The following ERC2 variants were observed in gnomAD, a reference collection of about 807,000 sequenced individuals.
ERC2 encodes ELKS/RAB6-interacting/CAST family member 2.
Under a neutral mutation model 114.8 loss-of-function variants are expected in ERC2, and 42 were observed. The ratio of observed to expected loss-of-function variants is 0.37; its 90% CI spans 0.29 to 0.47. The LOEUF is 0.47. ERC2 is among the 20% of genes least tolerant of loss of function. ERC2 has a pLI of 0.99. For missense variants in ERC2, 939 were observed against 1,150.7 expected, an observed-to-expected ratio of 0.82 and a Z score of 2.66; for synonymous variants, 454 against 425.5, an observed-to-expected ratio of 1.07 and a Z score of -0.82.
intron 12 of ERC2, among the ~76,000 whole-genome samples, chr3:55,965,014 T>A (rs2068649178): frequency 6.6e-6 from 1 of 152,224 alleles, no homozygotes; most frequent in African/African-American, 2.4e-5. Flanking sequence ...TGAAGTTTCA[T>A]ATAATATAAC....
At chr3:55,653,035 C>G (rs1338139576) in intron 17 of ERC2, among the ~76,000 whole-genome samples, 1 of 152,068 alleles carries the variant, frequency 6.6e-6, no homozygotes, top group Non-Finnish European at 1.5e-5. Flanking sequence ...TTTCAGAAGT[C>G]TCACACTCAT....
At chr3:55,980,093 GAA>G (rs893869147) in intron 12 of ERC2, among the ~76,000 whole-genome samples, 3 of 135,226 alleles carry the variant, frequency 2.2e-5, no homozygotes, top group Non-Finnish European at 4.6e-5. Context: ...ATGTTTGCAC[GAA>G]GTGTAAATTA....
chr3:56,343,015 C>G (rs1387275001), intron 2 of ERC2, among the ~76,000 whole-genome samples: 1 of 152,124 alleles, frequency 6.6e-6, no homozygotes, highest in Admixed American at 6.6e-5. Context: ...ACATCCCTTC[C>G]TTTTGATCTT....
At chr3:56,267,220 C>T (rs964593893) in intron 3 of ERC2, among the ~76,000 whole-genome samples, 1 of 152,132 alleles carries the variant, frequency 6.6e-6, no homozygotes, top group African/African-American at 2.4e-5. Flanking sequence ...TTTCGAATTT[C>T]AGATTTTTGA....
intron 17 of ERC2, among the ~76,000 whole-genome samples, chr3:55,541,630 C>T (rs1397908391): frequency 6.6e-6 from 1 of 152,154 alleles, no homozygotes; most frequent in Non-Finnish European, 1.5e-5. Context: ...TCAAGAGCAG[C>T]TTTCACAATC....
chr3:56,169,821 AAAC>A (rs201556490), intron 4 of ERC2, among the ~76,000 whole-genome samples: 4,452 of 140,352 alleles, frequency 0.032, 88 homozygotes, highest in Non-Finnish European at 0.044. Flanking sequence ...AAAAAAAAAA[AAAC>A]AAATGGCTTT....
chr3:55,875,724 A>ACACACACACACACACTCTCT (rs1491351730), intron 14 of ERC2, among the ~76,000 whole-genome samples: 200 of 141,090 alleles, frequency 1.4e-3, no homozygotes, highest in African/African-American at 5.3e-3. Flanking sequence ...ACACACACAC[A>ACACACACACACACACTCTCT]CTCTCTCTCT....
At chr3:55,801,711 G>C (rs544208836) in intron 14 of ERC2, among the ~76,000 whole-genome samples, 11 of 152,314 alleles carry the variant, frequency 7.2e-5, no homozygotes, top group African/African-American at 2.2e-4. Context: ...CTATAATTTG[G>C]CAGGGCCCAG....
At chr3:55,542,016 T>C (rs1379901966) in intron 17 of ERC2, among the ~76,000 whole-genome samples, 1 of 152,222 alleles carries the variant, frequency 6.6e-6, no homozygotes, top group Non-Finnish European at 1.5e-5. Context: ...ATCTTTAATC[T>C]TCATAGTAAT....
At chr3:56,390,583 A>T (rs2060094132) in intron 2 of ERC2, among the ~76,000 whole-genome samples, 1 of 152,178 alleles carries the variant, frequency 6.6e-6, no homozygotes, top group African/African-American at 2.4e-5. Context: ...TCAGAACCAA[A>T]ATGGAGAATG....
chr3:56,288,829 T>G lies in ERC2; in HGVS notation c.1074+7190A>C, dbSNP rs571547360. On this transcript the variant is annotated intron_variant, in intron 3 of 17. Coordinates refer to ENST00000288221, the MANE Select transcript of ERC2 (RefSeq NM_015576.3). The stretch of plus-strand genomic sequence containing the variant: ...CAGTCAATGAAAATTCCACATAATC[T>G]CAAAAGAGATACCATATTCAAAATC... 3.9e-5 allele frequency among the ~76,000 whole-genome samples: 6 copies of G among 152,054 alleles called. 1 individual carries two copies. In the South Asian group the frequency reaches 1.2e-3, roughly 32 times the overall value.
At chr3:55,690,995 C>T (rs1245672118) in intron 16 of ERC2, among the ~76,000 whole-genome samples, 1 of 152,216 alleles carries the variant, frequency 6.6e-6, no homozygotes, top group Non-Finnish European at 1.5e-5. Context: ...CAGTTAAATA[C>T]CTCCCACAAC....
At chr3:56,287,017 T>C (rs1393514723) in intron 3 of ERC2, among the ~76,000 whole-genome samples, 1 of 152,212 alleles carries the variant, frequency 6.6e-6, no homozygotes, top group East Asian at 1.9e-4. Flanking sequence ...CAGTTCACAT[T>C]GCCTTTTTAG....
intron 6 of ERC2, among the ~76,000 whole-genome samples, chr3:56,115,552 A>G (rs1456004544): frequency 6.6e-6 from 1 of 152,188 alleles, no homozygotes; most frequent in Non-Finnish European, 1.5e-5. Flanking sequence ...CTCTGTACCA[A>G]GGACCAGGAT....
At chr3:55,746,181 A>G (rs2066288246) in intron 14 of ERC2, among the ~76,000 whole-genome samples, 1 of 152,170 alleles carries the variant, frequency 6.6e-6, no homozygotes, top group Non-Finnish European at 1.5e-5. Flanking sequence ...AAGGGGGCAC[A>G]TTCTGGAATT....
intron 3 of ERC2, among the ~76,000 whole-genome samples, chr3:56,188,608 A>T (rs964829750): frequency 1.3e-5 from 2 of 152,218 alleles, no homozygotes; most frequent in East Asian, 3.9e-4. Context: ...AGAAAAGGGC[A>T]TGGTCTTTCT....
intron 14 of ERC2, among the ~76,000 whole-genome samples, chr3:55,741,091 A>G (rs941794740): frequency 1.3e-5 from 2 of 152,180 alleles, no homozygotes. Flanking sequence ...ATGGGTTTTC[A>G]TTATCCCTGC....
chr3:56,224,844 C>T (rs1232300999), intron 3 of ERC2, among the ~76,000 whole-genome samples: 1 of 152,110 alleles, frequency 6.6e-6, no homozygotes, highest in African/African-American at 2.4e-5. Flanking sequence ...AACTGAATAC[C>T]CATTATGAGC....
At chr3:56,350,140 G>T (rs1313956038) in intron 2 of ERC2, among the ~76,000 whole-genome samples, 1 of 152,156 alleles carries the variant, frequency 6.6e-6, no homozygotes, top group East Asian at 1.9e-4. Context: ...GCTAGAATTT[G>T]GGGGACAGGA....
Sources: allele counts gnomAD v4.1 joint callset (sites outside exome capture counted in the v4.1 genomes callset), GRCh38; gene constraint gnomAD v4.1.1; transcripts MANE v1.5; gene names NCBI Gene and HGNC (gene_info 2026-07-23, HGNC 2026-07-21).